The following CORIN variants were observed in gnomAD, a reference collection of about 807,000 sequenced individuals.
CORIN encodes atrial natriuretic peptide-converting enzyme.
In CORIN, 117 loss-of-function variants were observed where a neutral mutation model predicts 125.3. That is an observed-to-expected ratio of 0.93 (90% CI 0.80 to 1.09). The LOEUF is 1.09. Among genes scored for constraint, CORIN ranks in the 50% least tolerant of loss-of-function variants. CORIN has a pLI of 0.00. For missense variants in CORIN, 1,253 were observed against 1,306.7 expected, an observed-to-expected ratio of 0.96 and a Z score of 0.63; for synonymous variants, 450 against 466.4, an observed-to-expected ratio of 0.96 and a Z score of 0.45.
At position 47,680,249 on chromosome 4, in the gene CORIN, A is replaced by G; in HGVS notation, c.1024T>C (p.Cys342Arg). Residue 342 changes from cysteine (C) to arginine (R), a missense_variant and splice_region_variant, in exon 8 of 22, where the codon TGC becomes CGC. By Grantham distance (180) the Cys-to-Arg change is radical. Transcript: ENST00000273857. Reference sequence around the variant, plus strand: ...CAGCGATGCTCTGTTGTGGGATTGCAATCTGGAGAAATGAAAACTCACGAG... The same window carrying G: ...CAGCGATGCTCTGTTGTGGGATTGCGATCTGGAGAAATGAAAACTCACGAG... ...GDLSDEQNCD[C>R]NPTTEHRCGD... is the part of the protein sequence containing the mutation. The G allele has an allele frequency of 6.2e-7, 1 of 1,611,972 alleles. No individual in the cohort carries two copies. The highest frequency in any genetic ancestry group is 8.5e-7 in the Non-Finnish European group (1 of 1,178,292).
chr4:47,700,122 A>G (rs1726219194), intron 5 of CORIN, among the ~76,000 whole-genome samples: 2 of 152,228 alleles, frequency 1.3e-5, no homozygotes, highest in Non-Finnish European at 2.9e-5. Flanking sequence ...TGTCAAAAAC[A>G]AGTTTGAAAA....
intron 13 of CORIN, among the ~76,000 whole-genome samples, chr4:47,653,238 T>C (rs1191612403): frequency 6.6e-6 from 1 of 152,212 alleles, no homozygotes; most frequent in Non-Finnish European, 1.5e-5. Context: ...GGAAAAAGCA[T>C]AGTACTGCAT....
chr4:47,665,236 A>C lies in CORIN; in HGVS notation c.1385T>G (p.Leu462Arg), dbSNP rs758656376. 10 of 1,613,642 alleles carry C rather than the reference A, an allele frequency of 6.2e-6. No individual in the cohort carries two copies. In the Admixed American group the frequency reaches 8.3e-5, roughly 13 times the overall value. Residue 462 changes from leucine (L) to arginine (R), a missense_variant, in exon 11 of 22, where the codon CTC (leucine) becomes CGC (arginine). Physicochemically the swap from Leu to Arg is moderately radical, Grantham distance 102. Coordinates refer to ENST00000273857, the MANE Select transcript of CORIN (RefSeq NM_006587.4). ...CSQCEPITLELCMNLPYNSTS... is the reference protein window; with the variant it reads ...CSQCEPITLERCMNLPYNSTS... The stretch of plus-strand genomic sequence containing the variant: ...ACTGTTGTAGGGCAAATTCATGCAG[A>C]GTTCCAATGTAATTGGTTCACATTG...
chr4:47,715,067 C>G (rs543744487), intron 5 of CORIN, among the ~76,000 whole-genome samples: 1 of 152,182 alleles, frequency 6.6e-6, no homozygotes, highest in South Asian at 2.1e-4. Context: ...AATTGGAATT[C>G]AAAATTATCT....
chr4:47,792,112 A>T (rs752193442), intron 2 of CORIN, among the ~76,000 whole-genome samples: 4 of 152,186 alleles, frequency 2.6e-5, no homozygotes, highest in Admixed American at 2.6e-4. Flanking sequence ...AGGTTTAAGC[A>T]AAGTATTTGT....
At chr4:47,818,604 C>A (rs1407757538) in intron 1 of CORIN, among the ~76,000 whole-genome samples, 2 of 152,152 alleles carry the variant, frequency 1.3e-5, no homozygotes. Context: ...GACAAGGTGG[C>A]TCACACCTGT....
chr4:47,612,373 CA>C (rs1346917098), intron 19 of CORIN, among the ~76,000 whole-genome samples: 2 of 152,064 alleles, frequency 1.3e-5, no homozygotes, highest in South Asian at 4.1e-4. Flanking sequence ...TAAGGAAAGC[CA>C]AAGTTCTGGA....
At chr4:47,739,057 T>C (rs909572938) in intron 5 of CORIN, among the ~76,000 whole-genome samples, 17 of 151,714 alleles carry the variant, frequency 1.1e-4, no homozygotes, top group African/African-American at 4.1e-4. Flanking sequence ...AATTAAAAGG[T>C]CCTTAATGAC....
intron 1 of CORIN, among the ~76,000 whole-genome samples, chr4:47,809,554 A>T (rs1378222666): frequency 6.6e-6 from 1 of 151,764 alleles, no homozygotes. Context: ...ATAGGCACAC[A>T]CCACCACTCC....
chr4:47,792,716 T>G (rs1731133388), intron 2 of CORIN, among the ~76,000 whole-genome samples: 1 of 152,184 alleles, frequency 6.6e-6, no homozygotes, highest in South Asian at 2.1e-4. Context: ...AGTTCAAGGC[T>G]ATAAGCAAAA....
At chr4:47,648,116 C>A (rs1203229195) in intron 13 of CORIN, among the ~76,000 whole-genome samples, 1 of 152,092 alleles carries the variant, frequency 6.6e-6, no homozygotes, top group African/African-American at 2.4e-5. Context: ...TAAGAAGAAA[C>A]CACTTTCTTT....
chr4:47,646,866 T>C (rs1723511683), intron 13 of CORIN, among the ~76,000 whole-genome samples: 1 of 152,232 alleles, frequency 6.6e-6, no homozygotes, highest in Non-Finnish European at 1.5e-5. Context: ...GAATAAATTA[T>C]GTAGATGATT....
chr4:47,765,254 T>C (rs760434380), intron 3 of CORIN, among the ~76,000 whole-genome samples: 1 of 150,404 alleles, frequency 6.6e-6, no homozygotes, highest in African/African-American at 2.5e-5. Context: ...GAGCTTGTAG[T>C]GAGCTGAGAT....
At chr4:47,600,718 G>A (rs1203872299) in intron 20 of CORIN, among the ~76,000 whole-genome samples, 1 of 152,102 alleles carries the variant, frequency 6.6e-6, no homozygotes, top group Non-Finnish European at 1.5e-5. Flanking sequence ...CTGCCAGCTC[G>A]GCGTCAACTC....
chr4:47,608,951 A>T (rs9993991), intron 19 of CORIN, among the ~76,000 whole-genome samples: 40,915 of 152,008 alleles, frequency 0.27, 5,652 homozygotes, highest in Admixed American at 0.35. Flanking sequence ...GGAGTGAAAA[A>T]TTTCCCTTCT....
Position 47,600,205 on chromosome 4 carries a change from G to A in CORIN, c.2946+9C>T, listed in dbSNP as rs1258710639. On this transcript the variant is annotated intron_variant, in intron 21 of 21. Transcript: ENST00000273857. ...ACTGAATCTCCTTGGTAACCAGAAA[G>A]CAACTTACCATGCATGAATCAACTG... is the stretch of plus-strand genomic sequence containing the variant. 1 of 1,601,896 alleles carries A rather than the reference G, an allele frequency of 6.2e-7. No homozygotes were observed. Among genetic ancestry groups the A allele is most frequent in the Non-Finnish European group, 8.5e-7 (1 of 1,173,018 alleles).
At chr4:47,807,857 G>T (rs1160451120) in intron 1 of CORIN, among the ~76,000 whole-genome samples, 2 of 152,156 alleles carry the variant, frequency 1.3e-5, no homozygotes, top group South Asian at 2.1e-4. Flanking sequence ...TACTAAAAGG[G>T]CTTTGAATAA....
chr4:47,620,718 G>T (rs752799595), intron 19 of CORIN, among the ~76,000 whole-genome samples: 2 of 152,134 alleles, frequency 1.3e-5, no homozygotes, highest in Non-Finnish European at 2.9e-5. Flanking sequence ...TTTACCTTTC[G>T]GTGTCTTACT....
intron 11 of CORIN, among the ~76,000 whole-genome samples, chr4:47,663,669 T>G (rs1307767480): frequency 6.6e-6 from 1 of 152,152 alleles, no homozygotes; most frequent in Non-Finnish European, 1.5e-5. Context: ...TCAGGGAAAT[T>G]TTTATCTACA....
Sources: gnomAD v4.1 joint callset for allele counts (sites outside exome capture counted in the v4.1 genomes callset) on GRCh38, gnomAD v4.1.1 for gene constraint, MANE v1.5 for transcripts, NCBI Gene and HGNC (gene_info 2026-07-23, HGNC 2026-07-21) for gene names.